Variants in MEIG1 observed in about 807,000 individuals in gnomAD.
The protein encoded by MEIG1 is meiosis expressed gene 1 protein homolog.
Under a neutral mutation model 11.3 loss-of-function variants are expected in MEIG1, and 12 were observed. The observed-to-expected ratio is 1.07, with a 90% CI of 0.68 to 1.73. The LOEUF (loss-of-function observed/expected upper bound fraction) is 1.73. MEIG1 is among the 40% of genes most tolerant of loss of function. MEIG1 has a pLI of 0.00. For synonymous variants in MEIG1, 41 were observed against 33.2 expected, an observed-to-expected ratio of 1.24 and a Z score of -0.81; for missense variants, 119 against 104.9, an observed-to-expected ratio of 1.13 and a Z score of -0.59.
At chr10:14,956,701 C>A (rs1411641950), upstream of MEIG1, among the ~76,000 whole-genome samples, 1 of 152,180 alleles carries the variant, frequency 6.6e-6, no homozygotes, top group Non-Finnish European at 1.5e-5. Context: ...TTCAGCAAAT[C>A]ATTCACTGAC....
downstream of MEIG1, among the ~76,000 whole-genome samples, chr10:14,977,425 G>A (rs1843220557): frequency 6.6e-6 from 1 of 151,906 alleles, no homozygotes; most frequent in African/African-American, 2.4e-5. Context: ...TATTCAGGGG[G>A]GATGTTACTC....
chr10:14,979,518 G>C (rs932492542), intron 1 of MEIG1, among the ~76,000 whole-genome samples: 3 of 151,702 alleles, frequency 2.0e-5, no homozygotes, highest in Non-Finnish European at 4.4e-5. Flanking sequence ...TACTCCCAAC[G>C]TCACAGGGGT....
At chr10:14,974,197 C>A (rs1055193422), downstream of MEIG1, among the ~76,000 whole-genome samples, 16 of 152,086 alleles carry the variant, frequency 1.1e-4, no homozygotes, top group African/African-American at 3.6e-4. Context: ...TTCCTGGTAA[C>A]TGGGTCCTTC....
In MEIG1 at chr10:14,959,426, GC is replaced by G. The variant is rs1300745560; in HGVS notation, c.-159del. On this transcript the variant is annotated 5_prime_UTR_variant, in exon 1 of 3. Transcript: ENST00000407572. ...AGGGTCGCGAAGGGCACAACACTTGGCCTCTCGCTGGCCCTGCTCGCGGATC... is the reference window on the plus strand; with the variant it reads ...AGGGTCGCGAAGGGCACAACACTTGGCTCTCGCTGGCCCTGCTCGCGGATC... 12 of 152,356 alleles carry G rather than the reference GC, an allele frequency of 7.9e-5. No individual in the cohort carries two copies. In the East Asian group the frequency reaches 2.3e-3, roughly 29 times the overall value. The allele number at this position is 152,356 out of a possible 1,614,324, so 9.4% of individuals were successfully genotyped here. A position where few individuals can be genotyped will look rare whatever the true frequency, so the allele number is the denominator to read the frequency against.
chr10:14,980,165 G>A (rs1343545703), intron 1 of MEIG1, among the ~76,000 whole-genome samples: 1 of 151,960 alleles, frequency 6.6e-6, no homozygotes, highest in African/African-American at 2.4e-5. Context: ...ATTGTCACAG[G>A]GGGTGTGGTT....
rs1240178960 is a variant in MEIG1 at position 14,964,585 on chromosome 10, GTATA to G, written c.-29-1834_-29-1831del. ...TAAGAGTGTGTGTGTGTGTGTGTGT[GTATA>G]TATATATATATATATATATACACAC... On this transcript the variant is annotated intron_variant, in intron 1 of 2. Coordinates refer to ENST00000407572, the MANE Select transcript of MEIG1 (RefSeq NM_001080836.3). 3.9e-4 allele frequency among the ~76,000 whole-genome samples: 36 copies of G among 93,024 alleles called. No individual in the cohort carries two copies. The South Asian group carries it at 7.9e-3, about 20-fold the overall frequency. 61.0% of individuals were successfully genotyped at this position (93,024 alleles called of 152,430 possible). A position where few individuals can be genotyped will look rare whatever the true frequency, so the allele number is the denominator to read the frequency against.
chr10:14,978,907 T>C (rs1380832819), intron 1 of MEIG1, among the ~76,000 whole-genome samples: 2 of 152,084 alleles, frequency 1.3e-5, no homozygotes, highest in Non-Finnish European at 1.5e-5. Context: ...TAATATTCTA[T>C]AGAAATGTTA....
intron 1 of MEIG1, among the ~76,000 whole-genome samples, chr10:14,977,967 G>C (rs554875179): frequency 7.3e-5 from 11 of 150,842 alleles, no homozygotes; most frequent in Middle Eastern, 6.9e-3. Flanking sequence ...GTAATATCCT[G>C]GGGAGATGTT....
chr10:14,982,844 A>T (rs1011124948), intron 1 of MEIG1, among the ~76,000 whole-genome samples: 6 of 152,190 alleles, frequency 3.9e-5, no homozygotes, highest in African/African-American at 1.4e-4. Context: ...ACTCACGATA[A>T]CAATAAATGA....
chr10:14,954,782 G>A (rs1460388560), upstream of MEIG1, among the ~76,000 whole-genome samples: 2 of 151,908 alleles, frequency 1.3e-5, no homozygotes, highest in East Asian at 1.9e-4. Flanking sequence ...AACAACCAAA[G>A]CAACTTTATG....
chr10:14,987,524 T>C, intron 2 of MEIG1: 1 of 688,682 alleles, frequency 1.5e-6, no homozygotes, highest in Non-Finnish European at 2.7e-6. Context: ...ATGCAAGCAA[T>C]TCACAAGGAA....
chr10:14,977,626 C>T (rs919485451), downstream of MEIG1, among the ~76,000 whole-genome samples: 6 of 151,760 alleles, frequency 4.0e-5, no homozygotes, highest in African/African-American at 1.2e-4. Context: ...GTAATTTCTT[C>T]AAGAGATATA....
chr10:14,975,141 A>AGGG (rs1426244630), downstream of MEIG1, among the ~76,000 whole-genome samples: 1 of 152,134 alleles, frequency 6.6e-6, no homozygotes, highest in Admixed American at 6.6e-5. Context: ...TCCTCCTCAT[A>AGGG]TTCACGGAAA....
upstream of MEIG1, among the ~76,000 whole-genome samples, chr10:14,954,733 TAAAA>T (rs551868615): frequency 6.6e-6 from 1 of 151,904 alleles, no homozygotes; most frequent in Admixed American, 6.6e-5. Flanking sequence ...ATGATGTACT[TAAAA>T]AAAGAAAAAT....
chr10:14,963,834 C>G (rs766198973), intron 1 of MEIG1, among the ~76,000 whole-genome samples: 1 of 152,162 alleles, frequency 6.6e-6, no homozygotes, highest in South Asian at 2.1e-4. Flanking sequence ...CGTGGTGGCT[C>G]ACGCCTGTAA....
chr10:14,966,858 T>C (rs7083723), intron 2 of MEIG1, among the ~76,000 whole-genome samples: 97,425 of 151,912 alleles, frequency 0.64, 31,562 homozygotes, highest in Admixed American at 0.68. Context: ...CTCAGCCTCG[T>C]GAGTAGCTGG....
chr10:14,982,607 C>T (rs970413083), intron 1 of MEIG1, among the ~76,000 whole-genome samples: 6 of 152,070 alleles, frequency 3.9e-5, no homozygotes, highest in Non-Finnish European at 8.8e-5. Flanking sequence ...CTCTCCACCA[C>T]GTGACCATCC....
chr10:14,966,680 C>T, intron 2 of MEIG1, 74 bp downstream of exon 2: 1 of 1,348,420 alleles, frequency 7.4e-7, no homozygotes, highest in East Asian at 2.5e-5. Context: ...TATAAACAAC[C>T]AGAGAATAAC....
At chr10:14,962,784 TC>T (rs931365808) in intron 1 of MEIG1, among the ~76,000 whole-genome samples, 11 of 152,178 alleles carry the variant, frequency 7.2e-5, no homozygotes, top group Admixed American at 3.3e-4. Context: ...TTTCTTTTTT[TC>T]AGACAGTCTC....
Sources: gnomAD v4.1 joint callset for allele counts (sites outside exome capture counted in the v4.1 genomes callset) on GRCh38, gnomAD v4.1.1 for gene constraint, MANE v1.5 for transcripts, NCBI Gene and HGNC (gene_info 2026-07-23, HGNC 2026-07-21) for gene names.